Variants in UGT1A9 observed in about 807,000 individuals in gnomAD.
UGT1A9 encodes UDP glucuronosyltransferase family 1 member A9, also known as UDP-glucuronosyltransferase 1A9.
Under a neutral mutation model 45.0 loss-of-function variants are expected in UGT1A9, and 35 were observed. That is an observed-to-expected ratio of 0.78 (90% CI 0.59 to 1.03). The LOEUF is 1.03. UGT1A9 is among the 50% of genes least tolerant of loss of function. The pLI, the probability that UGT1A9 is intolerant of heterozygous loss-of-function variation, is 0.00. For synonymous variants in UGT1A9, 278 were observed against 250.6 expected (o/e 1.11, Z -1.03); for missense variants, 687 against 666.6 (o/e 1.03, Z -0.34).
intron 1 of UGT1A9, chr2:233,760,552 A>C: frequency 6.2e-7 from 1 of 1,614,264 alleles, no homozygotes; most frequent in Non-Finnish European, 8.5e-7. Context: ...GGAGGATGTG[A>C]AAGAGTCTTT....
At chr2:233,759,153 G>A (rs1244080154) in intron 1 of UGT1A9, among the ~76,000 whole-genome samples, 1 of 152,246 alleles carries the variant, frequency 6.6e-6, no homozygotes, top group Non-Finnish European at 1.5e-5. Flanking sequence ...GAGTTCCACA[G>A]AACACAAGGC....
intron 1 of UGT1A9, chr2:233,729,054 A>G (rs1209768756): frequency 1.2e-6 from 2 of 1,609,876 alleles, no homozygotes; most frequent in Admixed American, 3.3e-5. Context: ...TGACAAGGTA[A>G]TTAAGATGAA....
chr2:233,701,912 C>A (rs1291410680), intron 1 of UGT1A9, among the ~76,000 whole-genome samples: 2 of 152,020 alleles, frequency 1.3e-5, no homozygotes, highest in Non-Finnish European at 1.5e-5. Context: ...AAAATTGACA[C>A]CCTAACATCA....
chr2:233,674,846 A>G (rs1162958681), intron 1 of UGT1A9, among the ~76,000 whole-genome samples: 1 of 152,188 alleles, frequency 6.6e-6, no homozygotes, highest in African/African-American at 2.4e-5. Flanking sequence ...TGGCCCAACC[A>G]CAGAAGTAAA....
chr2:233,723,945 C>G (rs1475718921), intron 1 of UGT1A9, among the ~76,000 whole-genome samples: 64 of 52,096 alleles, frequency 1.2e-3, no homozygotes, highest in Non-Finnish European at 1.5e-3. Flanking sequence ...TACACAGACA[C>G]GGCAACCATC....
intron 4 of UGT1A9, 140 bp from the exon 5 acceptor site, chr2:233,772,122 C>T (rs749512514): frequency 2.9e-5 from 45 of 1,536,534 alleles, no homozygotes; most frequent in Non-Finnish European, 3.9e-5. Flanking sequence ...CTAAAAACAA[C>T]AACAACAACA....
intron 1 of UGT1A9, among the ~76,000 whole-genome samples, chr2:233,695,276 C>T (rs1302622069): frequency 1.3e-5 from 2 of 151,994 alleles, no homozygotes; most frequent in Admixed American, 1.3e-4. Context: ...TAGGCATGTG[C>T]CACCATTCCC....
At chr2:233,679,214 T>A (rs573307529) in intron 1 of UGT1A9, among the ~76,000 whole-genome samples, 7 of 152,224 alleles carry the variant, frequency 4.6e-5, no homozygotes, top group Non-Finnish European at 1.0e-4. Flanking sequence ...GGGTTCTGGG[T>A]GGCTAGGGAA....
At chr2:233,678,744 G>A (rs2125514410) in intron 1 of UGT1A9, among the ~76,000 whole-genome samples, 2 of 147,948 alleles carry the variant, frequency 1.4e-5, no homozygotes, top group African/African-American at 4.9e-5. Context: ...TGATTGGAAA[G>A]CACTCATCTC....
chr2:233,679,545 CT>C (rs113272257), intron 1 of UGT1A9, among the ~76,000 whole-genome samples: 3 of 151,408 alleles, frequency 2.0e-5, no homozygotes, highest in African/African-American at 2.4e-5. Context: ...TTTGTGTCAT[CT>C]TTTTTTTTGT....
chr2:233,717,649 C>A, intron 1 of UGT1A9: 2 of 403,236 alleles, frequency 5.0e-6, no homozygotes, highest in South Asian at 3.6e-5. Flanking sequence ...GCGACCAGGA[C>A]AAGGAAGCAT....
intron 1 of UGT1A9, chr2:233,755,362 C>T (rs1695882393): frequency 8.2e-6 from 3 of 365,832 alleles, no homozygotes; most frequent in Admixed American, 3.9e-5. Context: ...CGACCTGGGC[C>T]GCCTGGAGGG....
At chr2:233,754,769 C>T in intron 1 of UGT1A9, 4 of 1,026,872 alleles carry the variant, frequency 3.9e-6, no homozygotes, top group Non-Finnish European at 5.4e-6. Context: ...CCCCACTTCC[C>T]AGGGAGCCAA....
At chr2:233,712,005 A>G (rs770436116) in intron 1 of UGT1A9, among the ~76,000 whole-genome samples, 1 of 152,208 alleles carries the variant, frequency 6.6e-6, no homozygotes, top group Non-Finnish European at 1.5e-5. Context: ...TTCTGGAGGA[A>G]CCATTCTTAT....
At chr2:233,736,495 T>A (rs1388265552) in intron 1 of UGT1A9, among the ~76,000 whole-genome samples, 4 of 152,228 alleles carry the variant, frequency 2.6e-5, no homozygotes, top group Admixed American at 2.6e-4. Context: ...CTACCAAACT[T>A]CTGAAGCCTA....
At chr2:233,719,401 T>C in intron 1 of UGT1A9, 3 of 1,614,018 alleles carry the variant, frequency 1.9e-6, no homozygotes, top group South Asian at 1.1e-5. Context: ...TCCTCCTATA[T>C]TCCTAAGTTA....
rs762751427 is a variant in UGT1A9 at position 233,729,397 on chromosome 2, C to G, written c.856-37637C>G. ...TTCGTGGACCCAGGATGAATTTGAT[C>G]GCCATGTGCTGGGCCACACTCAACT... On this transcript the variant is annotated intron_variant, in intron 1 of 4. Coordinates refer to ENST00000354728, the MANE Select transcript of UGT1A9 (RefSeq NM_021027.3). 2 of 1,613,656 alleles carry G rather than the reference C, an allele frequency of 1.2e-6. No homozygotes were observed. Among genetic ancestry groups the G allele is most frequent in the Non-Finnish European group, 8.5e-7 (1 of 1,179,714 alleles).
In UGT1A9 at chr2:233,760,202, A is replaced by ACAT. The variant is rs1697345011; in HGVS notation, c.856-6831_856-6829dup. ...TTTTATAGTCACGTGACACAGTCAA[A>ACAT]CATTAACTTGGTGTATCGATTGGTT... is the stretch of plus-strand genomic sequence containing the variant. On this transcript the variant is annotated intron_variant, in intron 1 of 4. Transcript: ENST00000354728. The ACAT allele has an allele frequency of 2.7e-5, 43 of 1,583,728 alleles. No homozygotes were observed. In the South Asian group the frequency reaches 4.6e-4, roughly 17 times the overall value.
chr2:233,741,996 A>ATACACT (rs904144807), intron 1 of UGT1A9: 1 of 151,922 alleles, frequency 6.6e-6, no homozygotes, highest in African/African-American at 2.4e-5. Flanking sequence ...AATATTACAG[A>ATACACT]TACACTTGGC....
Sources: allele counts gnomAD v4.1 joint callset (sites outside exome capture counted in the v4.1 genomes callset), GRCh38; gene constraint gnomAD v4.1.1; transcripts MANE v1.5; gene names NCBI Gene and HGNC (gene_info 2026-07-23, HGNC 2026-07-21).